Variants in TMEM19 observed in about 807,000 individuals in gnomAD.
The protein encoded by TMEM19 is transmembrane protein 19.
Under a neutral mutation model 33.6 loss-of-function variants are expected in TMEM19, and 21 were observed. The ratio of observed to expected loss-of-function variants is 0.62; its 90% CI spans 0.44 to 0.90. TMEM19 has a LOEUF of 0.90. Among genes scored for constraint, TMEM19 ranks in the 40% least tolerant of loss-of-function variants. The pLI is 0.00. For missense variants in TMEM19, 402 were observed against 401.8 expected (o/e 1.00, Z 0.00); for synonymous variants, 149 against 147.5 (o/e 1.01, Z -0.07).
At chr12:71,693,066 G>A (rs921311560) in intron 2 of TMEM19, among the ~76,000 whole-genome samples, 2 of 151,938 alleles carry the variant, frequency 1.3e-5, no homozygotes, top group African/African-American at 4.8e-5. Context: ...ATGGTGACAG[G>A]TGCCTGTAAT....
chr12:71,686,562 G>A lies in TMEM19; in HGVS notation c.-119G>A. On this transcript the variant is annotated 5_prime_UTR_variant, in exon 1 of 6. Coordinates refer to ENST00000266673, the MANE Select transcript of TMEM19 (RefSeq NM_018279.4). ...TTGTGATTTTTATGCTTGTTTGGTC[G>A]GTGGAATATGTTGGGATTTATGTTT... 2 of 1,140,154 alleles carry A rather than the reference G, an allele frequency of 1.8e-6. No homozygotes were observed. Among genetic ancestry groups the A allele is most frequent in the East Asian group, 2.6e-5 (1 of 38,814 alleles). The allele number at this position is 1,140,154 out of a possible 1,614,324, so 70.6% of individuals were successfully genotyped here.
rs1565859240 is a variant in TMEM19, at chr12:71,703,222, A to AAAAAAAAAAT, written c.*2231_*2232insAAAAATAAAA. On this transcript the variant is annotated 3_prime_UTR_variant, in exon 6 of 6. Transcript: ENST00000266673. ...AAAAAAAAAAAAAAAAAAAAAAAAA[A>AAAAAAAAAAT]AAAAGAATATTCTAAGCACTAGAAC... 4.3e-5 allele frequency: 6 copies of AAAAAAAAAAT among 139,680 alleles called. No individual in the cohort carries two copies. Among genetic ancestry groups the AAAAAAAAAAT allele is most frequent in the African/African-American group, 1.5e-4 (5 of 33,706 alleles). The allele number at this position is 139,680 out of a possible 1,614,324, so 8.7% of individuals were successfully genotyped here.
intron 4 of TMEM19, among the ~76,000 whole-genome samples, chr12:71,698,185 C>T (rs753285686): frequency 3.9e-5 from 6 of 152,094 alleles, no homozygotes; most frequent in Admixed American, 6.6e-5. Flanking sequence ...TCTTCCTCTT[C>T]GTCCCCTTCT....
Position 71,701,023 on chromosome 12 carries a change from C to G in TMEM19, c.*28C>G. 6.4e-7 allele frequency: 1 copy of G among 1,569,166 alleles called. No individual in the cohort carries two copies. On this transcript the variant is annotated 3_prime_UTR_variant, in exon 6 of 6. Coordinates refer to ENST00000266673, the MANE Select transcript of TMEM19 (RefSeq NM_018279.4). Reference sequence around the variant, plus strand: ...TTTATTTCATTTCCACAGGTTGAAACTGGTGAGTCCAGCTAAATTTGCAAT... The same window carrying G: ...TTTATTTCATTTCCACAGGTTGAAAGTGGTGAGTCCAGCTAAATTTGCAAT...
At chr12:71,693,203 A>G (rs1881813744) in intron 2 of TMEM19, among the ~76,000 whole-genome samples, 1 of 151,412 alleles carries the variant, frequency 6.6e-6, no homozygotes, top group Non-Finnish European at 1.5e-5. Context: ...CCAAAAAAAA[A>G]ATTTTTTTTT....
At position 71,696,658 on chromosome 12, in the gene TMEM19, T is replaced by TG. The variant is rs1009879830; in HGVS notation, c.382+85_382+86insG. 8.4e-6 allele frequency: 11 copies of TG among 1,302,490 alleles called. No individual in the cohort carries two copies. In the African/African-American group the frequency reaches 1.4e-4, roughly 16 times the overall value. The allele number at this position is 1,302,490 out of a possible 1,614,324, so 80.7% of individuals were successfully genotyped here. A position where few individuals can be genotyped will look rare whatever the true frequency, so the allele number is the denominator to read the frequency against. Reference sequence around the variant, plus strand: ...TTTTTTTTGTTTTTGTTTTTGTTTTTTTTTTTGAGACGGAGTCTTGCTCTG... The same window carrying TG: ...TTTTTTTTGTTTTTGTTTTTGTTTTTGTTTTTTGAGACGGAGTCTTGCTCTG... On this transcript the variant is annotated intron_variant, in intron 3 of 5. Coordinates refer to ENST00000266673, the MANE Select transcript of TMEM19 (RefSeq NM_018279.4).
Position 71,702,718 on chromosome 12 carries a change from T to G in TMEM19, c.*1723T>G, listed in dbSNP as rs967491549. On this transcript the variant is annotated 3_prime_UTR_variant, in exon 6 of 6. Transcript: ENST00000266673. ...CCTGGATATTGAGACTTTTTAAAGC[T>G]CTGACTGTACATTGAATCATCATGT... The G allele has an allele frequency of 2.6e-5, 4 of 152,188 alleles. No individual in the cohort carries two copies. The highest frequency in any genetic ancestry group is 5.9e-5 in the Non-Finnish European group (4 of 68,038). 9.4% of individuals were successfully genotyped at this position (152,188 alleles called of 1,614,324 possible).
At chr12:71,691,801 A>T (rs984521407) in intron 2 of TMEM19, among the ~76,000 whole-genome samples, 1 of 151,602 alleles carries the variant, frequency 6.6e-6, no homozygotes, top group African/African-American at 2.4e-5. Flanking sequence ...TTATAGAAAA[A>T]AAGGTCAAGT....
chr12:71,698,607 AAGAGAGAGAG>A (rs71068787), intron 4 of TMEM19, among the ~76,000 whole-genome samples: 22,647 of 120,906 alleles, frequency 0.19, 2,325 homozygotes, highest in Middle Eastern at 0.28. Flanking sequence ...TGTCTCTGAA[AAGAGAGAGAG>A]AGAGAGAGAG....
At position 71,700,981 on chromosome 12, in the gene TMEM19, T is replaced by G. The variant is rs1881968541; in HGVS notation, c.997T>G (p.Trp333Gly). The G allele has an allele frequency of 1.9e-6, 3 of 1,610,618 alleles. No individual in the cohort carries two copies. The African/African-American group carries it at 4.0e-5, about 22-fold the overall frequency. Residue 333 changes from tryptophan to glycine, a missense_variant, in exon 6 of 6, where the codon TGG becomes GGG. Transcript: ENST00000266673. ...GCTCCCAACTGCTGCTTGGGGTTTT[T>G]GGCCCAGGGGGTGAACTTTATTTCA... The part of the protein sequence containing the change: ...LLLPTAAWGF[W>G]PRG
At chr12:71,700,171 C>G (rs1249739974) in intron 5 of TMEM19, among the ~76,000 whole-genome samples, 1 of 152,174 alleles carries the variant, frequency 6.6e-6, no homozygotes, top group African/African-American at 2.4e-5. Flanking sequence ...AAGGACGAAG[C>G]AATCTGATCT....
intron 2 of TMEM19, among the ~76,000 whole-genome samples, chr12:71,693,863 A>G (rs1322655844): frequency 2.6e-5 from 4 of 152,180 alleles, no homozygotes; most frequent in Non-Finnish European, 5.9e-5. Context: ...GCCTGCCGCT[A>G]TGTAAGATGT....
At chr12:71,696,212 A>T (rs1456765340) in intron 2 of TMEM19, among the ~76,000 whole-genome samples, 2 of 152,164 alleles carry the variant, frequency 1.3e-5, no homozygotes, top group African/African-American at 4.8e-5. Context: ...ATTATCTTAC[A>T]TTCATATGGC....
In TMEM19 at chr12:71,700,904, T is replaced by C. The variant is rs751763464; in HGVS notation, c.920T>C (p.Ile307Thr). The change falls in exon 6 of 6, where the codon ATT (isoleucine) becomes ACT (threonine). Residue 307 changes from isoleucine to threonine, a missense_variant. Physicochemically the swap from Ile to Thr is moderately conservative, Grantham distance 89. Coordinates refer to ENST00000266673, the MANE Select transcript of TMEM19 (RefSeq NM_018279.4). ...GCAAGGCACATAGCAGGGAAACCCATTCTTGATAACAACGCAGTGAATCTG... is the reference window on the plus strand; with the variant it reads ...GCAAGGCACATAGCAGGGAAACCCACTCTTGATAACAACGCAGTGAATCTG... ...NKARHIAGKP[I>T]LDNNAVNLFS... is the part of the protein sequence containing the mutation. 6.2e-7 allele frequency: 1 copy of C among 1,613,802 alleles called. No homozygotes were observed. The highest frequency in any genetic ancestry group is 1.7e-5 in the Admixed American group (1 of 59,972).
chr12:71,696,607 A>G (rs746954744), intron 3 of TMEM19, 34 bp downstream of exon 3: 4 of 1,514,546 alleles, frequency 2.6e-6, no homozygotes, highest in Non-Finnish European at 3.6e-6. Flanking sequence ...CAAAATAGTA[A>G]ACTTCATTTA....
At chr12:71,688,524 C>T (rs953619624) in intron 1 of TMEM19, among the ~76,000 whole-genome samples, 3 of 152,146 alleles carry the variant, frequency 2.0e-5, no homozygotes, top group South Asian at 2.1e-4. Context: ...CCACTGCGCC[C>T]GGCCCATTTT....
intron 2 of TMEM19, among the ~76,000 whole-genome samples, chr12:71,693,934 G>A (rs372265012): frequency 1.3e-5 from 2 of 152,208 alleles, no homozygotes; most frequent in African/African-American, 4.8e-5. Context: ...ATGTGGAACT[G>A]TGAGCCAGTT....
chr12:71,700,780 A>C, intron 5 of TMEM19, 52 bp from the exon 6 acceptor site: 1 of 1,464,022 alleles, frequency 6.8e-7, no homozygotes, highest in Non-Finnish European at 9.1e-7. Flanking sequence ...GAAAAGAAAA[A>C]AAATGAAGTC....
chr12:71,686,381 C>G lies in TMEM19; in HGVS notation c.-300C>G. The G allele has an allele frequency of 3.6e-6, 1 of 280,610 alleles. No individual in the cohort carries two copies. Among genetic ancestry groups the G allele is most frequent in the South Asian group, 3.4e-5 (1 of 29,250 alleles). The allele number at this position is 280,610 out of a possible 1,614,324, so 17.4% of individuals were successfully genotyped here. On this transcript the variant is annotated 5_prime_UTR_variant, in exon 1 of 6. Transcript: ENST00000266673. ...GGCTGCCTCGGCTTTCTCTTTTCCC[C>G]GTGGGCTCCGGCGTGAGGCGCTGAA... is the stretch of plus-strand genomic sequence containing the variant.
Sources: gnomAD v4.1 joint callset for allele counts (sites outside exome capture counted in the v4.1 genomes callset) on GRCh38, gnomAD v4.1.1 for gene constraint, MANE v1.5 for transcripts, NCBI Gene and HGNC (gene_info 2026-07-23, HGNC 2026-07-21) for gene names.